Variants in ARHGEF12 observed in about 807,000 individuals in gnomAD.
The protein encoded by ARHGEF12 is Rho guanine nucleotide exchange factor 12, also known as KMT2A/ARHGEF12 fusion protein.
ARHGEF12 carries 66 observed loss-of-function variants against 211.2 expected under a neutral mutation model. That is an observed-to-expected ratio of 0.31 (90% CI 0.26 to 0.38). The LOEUF (loss-of-function observed/expected upper bound fraction) is 0.38, where lower values mean the gene tolerates loss of function less well. Among genes scored for constraint, ARHGEF12 ranks in the 10% least tolerant of loss-of-function variants. The pLI is 1.00. For missense variants in ARHGEF12, 1,429 were observed against 1,869.5 expected (o/e 0.76, Z 4.34); for synonymous variants, 592 against 638.4 (o/e 0.93, Z 1.09).
intron 39 of ARHGEF12, among the ~76,000 whole-genome samples, chr11:120,483,258 C>CTTTTTTTTTT (rs777120176): frequency 1.0e-5 from 1 of 97,504 alleles, no homozygotes; most frequent in Non-Finnish European, 1.9e-5. Context: ...CCATAATAAT[C>CTTTTTTTTTT]TTTTTTTTTT....
intron 1 of ARHGEF12, among the ~76,000 whole-genome samples, chr11:120,352,929 C>G (rs1243410215): frequency 4.6e-5 from 7 of 152,200 alleles, no homozygotes; most frequent in African/African-American, 1.7e-4. Context: ...CCCTGTACTC[C>G]CAGCCCATTC....
At chr11:120,401,212 A>G (rs767245884) in intron 1 of ARHGEF12, among the ~76,000 whole-genome samples, 1 of 152,222 alleles carries the variant, frequency 6.6e-6, no homozygotes, top group Non-Finnish European at 1.5e-5. Context: ...AGCTAGACCA[A>G]TTATAAATTG....
intron 13 of ARHGEF12, among the ~76,000 whole-genome samples, chr11:120,440,963 A>G (rs946086269): frequency 3.9e-5 from 6 of 152,130 alleles, no homozygotes; most frequent in South Asian, 2.1e-4. Flanking sequence ...CTGATTGTCT[A>G]TTAATATGGT....
At chr11:120,435,513 T>G in intron 11 of ARHGEF12, among the ~76,000 whole-genome samples, 1 of 81,114 alleles carries the variant, frequency 1.2e-5, no homozygotes, top group South Asian at 3.0e-4. Flanking sequence ...CCTGTCAAGC[T>G]TTTTTTTTTT....
Position 120,480,407 on chromosome 11 carries a change from A to G in ARHGEF12, c.4214A>G (p.Lys1405Arg). ...EGDGAVNKEE[K>R]DVNLRISGNY... ...GATGGAGCAGTTAACAAGGAAGAGA[A>G]GGATGTTAATTTACGCATCTCAGGC... The change falls in exon 38 of 41, where the codon AAG (lysine) becomes AGG (arginine). Residue 1405 changes from lysine (K) to arginine (R), a missense_variant. Transcript: ENST00000397843. 6.2e-7 allele frequency: 1 copy of G among 1,610,316 alleles called. No individual in the cohort carries two copies. The highest frequency in any genetic ancestry group is 8.5e-7 in the Non-Finnish European group (1 of 1,177,634).
intron 1 of ARHGEF12, among the ~76,000 whole-genome samples, chr11:120,386,977 A>G (rs559062350): frequency 2.7e-4 from 41 of 152,220 alleles, no homozygotes; most frequent in African/African-American, 9.1e-4. Context: ...ATTATTTGAC[A>G]TCACAAATAG....
intron 1 of ARHGEF12, among the ~76,000 whole-genome samples, chr11:120,403,155 C>T (rs933888349): frequency 7.2e-5 from 11 of 152,242 alleles, no homozygotes; most frequent in African/African-American, 2.2e-4. Context: ...GTATTCTGAA[C>T]GTTTAAGGCC....
intron 1 of ARHGEF12, among the ~76,000 whole-genome samples, chr11:120,399,142 T>C (rs556739966): frequency 2.4e-4 from 36 of 151,234 alleles, no homozygotes; most frequent in African/African-American, 8.0e-4. Flanking sequence ...CAGCAAGACC[T>C]GGTCTCTACA....
chr11:120,440,219 C>A lies in ARHGEF12; in HGVS notation c.1090C>A (p.Gln364Lys). 6.2e-7 allele frequency: 1 copy of A among 1,608,262 alleles called. No individual in the cohort carries two copies. The highest frequency in any genetic ancestry group is 8.5e-7 in the Non-Finnish European group (1 of 1,176,548). ...EDDDFGTEHE[Q>K]INGQCSCFQS... The stretch of plus-strand genomic sequence containing the variant: ...TGATGATTTTGGTACTGAACATGAA[C>A]AGGTGATGACTTTTTTCTTTCTAAA... The change falls in exon 13 of 41, where the codon CAG (glutamine) becomes AAG (lysine). Residue 364 changes from glutamine to lysine, a missense_variant and splice_region_variant. Coordinates refer to ENST00000397843, the MANE Select transcript of ARHGEF12 (RefSeq NM_015313.3).
chr11:120,454,473 A>G (rs574759422), intron 22 of ARHGEF12, among the ~76,000 whole-genome samples: 4 of 152,370 alleles, frequency 2.6e-5, no homozygotes, highest in South Asian at 2.1e-4. Context: ...TAATACAACT[A>G]TTAAACACAG....
intron 7 of ARHGEF12, among the ~76,000 whole-genome samples, chr11:120,427,548 A>T (rs1945382834): frequency 6.6e-6 from 1 of 151,562 alleles, no homozygotes; most frequent in Admixed American, 6.6e-5. Flanking sequence ...AAAAAAAAAA[A>T]ACATTGCAGC....
Position 120,478,207 on chromosome 11 carries a change from A to G in ARHGEF12, c.3584A>G (p.His1195Arg), listed in dbSNP as rs779399503. 1 of 1,614,118 alleles carries G rather than the reference A, an allele frequency of 6.2e-7. No homozygotes were observed. The highest frequency in any genetic ancestry group is 8.5e-7 in the Non-Finnish European group (1 of 1,180,012). The change falls in exon 37 of 41, where the codon CAT (histidine) becomes CGT (arginine). Residue 1195 changes from histidine to arginine, a missense_variant. Physicochemically the swap from His to Arg is conservative, Grantham distance 29. Coordinates refer to ENST00000397843, the MANE Select transcript of ARHGEF12 (RefSeq NM_015313.3). Reference sequence around the variant, plus strand: ...TTAATATCGTCAAAACCTCAGTCTCATTCACTGAGTACCTCTGGGAAATCA... The same window carrying G: ...TTAATATCGTCAAAACCTCAGTCTCGTTCACTGAGTACCTCTGGGAAATCA... ...STLISSKPQSHSLSTSGKSEV... is the reference protein window; with the variant it reads ...STLISSKPQSRSLSTSGKSEV...
Position 120,337,815 on chromosome 11 carries a change from C to T in ARHGEF12, c.32+540C>T, listed in dbSNP as rs182243061. 3,104 of 985,378 alleles carry T rather than the reference C, an allele frequency of 3.2e-3. 14 individuals carry two copies. The highest frequency in any genetic ancestry group is 3.3e-3 in the Non-Finnish European group (2,755 of 829,920). The allele number at this position is 985,378 out of a possible 1,614,324, so 61.0% of individuals were successfully genotyped here. ...ATAACTTTCCAGAATGTTGACATTA[C>T]CAGTAAATCACAGGTTCTTGCTGGA... On this transcript the variant is annotated intron_variant, in intron 1 of 40. Transcript: ENST00000397843.
chr11:120,389,680 A>G (rs772532485), intron 1 of ARHGEF12, among the ~76,000 whole-genome samples: 1 of 152,008 alleles, frequency 6.6e-6, no homozygotes. Flanking sequence ...ACCCTCCACT[A>G]CCCTTCCCAG....
intron 1 of ARHGEF12, 178 bp from the exon 2 acceptor site, chr11:120,405,940 G>T: frequency 1.9e-6 from 1 of 517,296 alleles, no homozygotes; most frequent in Non-Finnish European, 3.3e-6. Context: ...TAACAAAGTA[G>T]TTAAGATACT....
intron 4 of ARHGEF12, 66 bp downstream of exon 4, chr11:120,409,516 CT>C (rs1944818923): frequency 2.0e-6 from 3 of 1,476,878 alleles, no homozygotes; most frequent in East Asian, 2.3e-5. Context: ...CTTTTCTGTT[CT>C]TTTTTTCCTT....
rs1942372018 is a variant in ARHGEF12 at position 120,337,078 on chromosome 11, G to A, written c.-166G>A. ...ACTTGTTTTGCTCCAAGCCGCATCCGTTGACCCCTTACAGTCGGATGGTCT... is the reference window on the plus strand; with the variant it reads ...ACTTGTTTTGCTCCAAGCCGCATCCATTGACCCCTTACAGTCGGATGGTCT... On this transcript the variant is annotated 5_prime_UTR_variant, in exon 1 of 41. Coordinates refer to ENST00000397843, the MANE Select transcript of ARHGEF12 (RefSeq NM_015313.3). 2.6e-6 allele frequency: 2 copies of A among 762,786 alleles called. No individual in the cohort carries two copies. Among genetic ancestry groups the A allele is most frequent in the Non-Finnish European group, 4.4e-6 (2 of 452,044 alleles). The allele number at this position is 762,786 out of a possible 1,614,324, so 47.3% of individuals were successfully genotyped here.
At chr11:120,354,217 G>A (rs994915945) in intron 1 of ARHGEF12, among the ~76,000 whole-genome samples, 36 of 152,098 alleles carry the variant, frequency 2.4e-4, no homozygotes, top group East Asian at 1.9e-4. Flanking sequence ...AATCCCAGTC[G>A]GCCCAATTAC....
At chr11:120,385,232 C>T (rs958138874) in intron 1 of ARHGEF12, 10 of 867,602 alleles carry the variant, frequency 1.2e-5, no homozygotes, top group South Asian at 5.3e-5. Context: ...CCATTAGCAG[C>T]GCAGTGTTGG....
Sources: allele counts gnomAD v4.1 joint callset (sites outside exome capture counted in the v4.1 genomes callset), GRCh38; gene constraint gnomAD v4.1.1; transcripts MANE v1.5; gene names NCBI Gene and HGNC (gene_info 2026-07-23, HGNC 2026-07-21).